The following SLC35D4 variants were observed in gnomAD, a reference collection of about 807,000 sequenced individuals.
The protein encoded by SLC35D4 is UDP-N-acetylglucosamine transporter SLC35D4.
the SLC35D4 span, among the ~76,000 whole-genome samples, chr18:23,313,721 C>T: frequency 6.6e-6 from 1 of 152,162 alleles, no homozygotes; most frequent in Non-Finnish European, 1.5e-5. Flanking sequence ...GAGCACAGGG[C>T]CCCCAGGTAT....
the SLC35D4 span, among the ~76,000 whole-genome samples, chr18:23,412,011 T>C: frequency 6.6e-6 from 1 of 152,172 alleles, no homozygotes; most frequent in East Asian, 1.9e-4. Context: ...AAAAATAGTT[T>C]CCAAACATGA....
the SLC35D4 span, among the ~76,000 whole-genome samples, chr18:23,321,594 A>C: frequency 6.6e-6 from 1 of 152,168 alleles, no homozygotes; most frequent in South Asian, 2.1e-4. Context: ...AGCTGGGACT[A>C]CAGGCATGTG....
the SLC35D4 span, among the ~76,000 whole-genome samples, chr18:23,363,003 G>A: frequency 6.6e-6 from 1 of 152,116 alleles, no homozygotes; most frequent in Non-Finnish European, 1.5e-5. Flanking sequence ...CACTTTGGGA[G>A]GATGAGGTGG....
At chr18:23,406,670 C>T in the SLC35D4 span, among the ~76,000 whole-genome samples, 1 of 152,240 alleles carries the variant, frequency 6.6e-6, no homozygotes, top group Non-Finnish European at 1.5e-5. Flanking sequence ...CATTCAGCTA[C>T]TTCAGCTATA....
chr18:23,373,598 G>C, the SLC35D4 span: 2 of 1,214,082 alleles, frequency 1.6e-6, no homozygotes, highest in Non-Finnish European at 2.4e-6. Context: ...GAATGCTTCT[G>C]CATAGGCCAA....
chr18:23,425,643 T>C, the SLC35D4 span, among the ~76,000 whole-genome samples: 1 of 152,338 alleles, frequency 6.6e-6, no homozygotes, highest in East Asian at 1.9e-4. Context: ...TTGTAGGGCA[T>C]ATCTGCCTGG....
chr18:23,368,714 C>G, the SLC35D4 span: 1 of 1,382,996 alleles, frequency 7.2e-7, no homozygotes, highest in South Asian at 1.3e-5. Context: ...TTATATTTTA[C>G]CTGAATATAT....
At chr18:23,371,391 A>G in the SLC35D4 span, 1 of 1,527,706 alleles carries the variant, frequency 6.5e-7, no homozygotes, top group Non-Finnish European at 8.8e-7. Flanking sequence ...CACCGTGCCC[A>G]GCCTTACATA....
At chr18:23,359,754 T>A in the SLC35D4 span, among the ~76,000 whole-genome samples, 1 of 152,310 alleles carries the variant, frequency 6.6e-6, no homozygotes, top group African/African-American at 2.4e-5. Flanking sequence ...TGGGTCAGAT[T>A]CCTGAGTCTC....
the SLC35D4 span, among the ~76,000 whole-genome samples, chr18:23,373,085 G>A: frequency 3.3e-5 from 5 of 152,182 alleles, no homozygotes; most frequent in East Asian, 1.9e-4. Context: ...AGGCCGAGGC[G>A]GGCAAATCAC....
the SLC35D4 span, among the ~76,000 whole-genome samples, chr18:23,250,668 T>C: frequency 6.6e-6 from 1 of 152,146 alleles, no homozygotes; most frequent in Non-Finnish European, 1.5e-5. Flanking sequence ...GCTGCCCCTT[T>C]CCTGGTCCTT....
the SLC35D4 span, among the ~76,000 whole-genome samples, chr18:23,403,901 C>T: frequency 2.6e-5 from 4 of 152,106 alleles, no homozygotes; most frequent in African/African-American, 7.2e-5. Context: ...GGGCAGATCA[C>T]GAGGTCAGGT....
chr18:23,264,353 CTTTTTTTTT>C, the SLC35D4 span, among the ~76,000 whole-genome samples: 2 of 56,064 alleles, frequency 3.6e-5, 1 homozygote, highest in Non-Finnish European at 7.2e-5. Flanking sequence ...CACTTTATTC[CTTTTTTTTT>C]TTTTTTTTTT....
At chr18:23,253,599 G>GACTT in the SLC35D4 span, 1 of 753,484 alleles carries the variant, frequency 1.3e-6, no homozygotes, top group South Asian at 1.8e-5. Flanking sequence ...CACTCCCAGG[G>GACTT]ACTTAATCCC....
chr18:23,368,242 C>T, the SLC35D4 span, among the ~76,000 whole-genome samples: 1 of 152,182 alleles, frequency 6.6e-6, no homozygotes, highest in Non-Finnish European at 1.5e-5. Context: ...ATCCTGCAGC[C>T]CAAGGGCCTC....
At chr18:23,294,163 TA>T in the SLC35D4 span, among the ~76,000 whole-genome samples, 1 of 152,054 alleles carries the variant, frequency 6.6e-6, no homozygotes, top group Non-Finnish European at 1.5e-5. Context: ...TTGCCTCTCC[TA>T]ATAGAAAGCA....
the SLC35D4 span, chr18:23,421,402 C>T: frequency 5.0e-6 from 8 of 1,614,090 alleles, no homozygotes; most frequent in Non-Finnish European, 6.8e-6. Context: ...AGCCCAGTTT[C>T]CAGGACACAT....
At chr18:23,363,590 G>A in the SLC35D4 span, among the ~76,000 whole-genome samples, 1 of 151,950 alleles carries the variant, frequency 6.6e-6, no homozygotes, top group East Asian at 2.0e-4. Flanking sequence ...TAGCCAGGAT[G>A]GTCTCGATCT....
At chr18:23,293,150 A>G in the SLC35D4 span, among the ~76,000 whole-genome samples, 1 of 152,232 alleles carries the variant, frequency 6.6e-6, no homozygotes, top group African/African-American at 2.4e-5. Flanking sequence ...AGGCAGAGGC[A>G]GGAGAATCGC....
Sources: allele counts gnomAD v4.1 joint callset (sites outside exome capture counted in the v4.1 genomes callset), GRCh38; gene constraint gnomAD v4.1.1; transcripts MANE v1.5; gene names NCBI Gene and HGNC (gene_info 2026-07-23, HGNC 2026-07-21).